ARHGAP8: variants seen among roughly 807,000 people sequenced by gnomAD.
ARHGAP8 encodes Rho GTPase activating protein 8, also known as rho GTPase-activating protein 8.
In ARHGAP8, 62 loss-of-function variants were observed where a neutral mutation model predicts 46.1. The observed-to-expected ratio is 1.34, with a 90% CI of 1.10 to 1.66. The LOEUF is 1.66. Among genes scored for constraint, ARHGAP8 ranks in the 40% most tolerant of loss-of-function variants. ARHGAP8 has a pLI of 0.00. For synonymous variants in ARHGAP8, 375 were observed against 243.1 expected, an observed-to-expected ratio of 1.54 and a Z score of -5.05; for missense variants, 923 against 568.4, an observed-to-expected ratio of 1.62 and a Z score of -6.34.
rs534471730 is a variant in ARHGAP8, at chr22:44,790,568, T to C, written c.79+3962T>C. 7.5e-5 allele frequency among the ~76,000 whole-genome samples: 11 copies of C among 147,346 alleles called. No homozygotes were observed. The South Asian group carries it at 1.5e-3, about 21-fold the overall frequency. On this transcript the variant is annotated intron_variant, in intron 2 of 11. Coordinates refer to ENST00000356099, the MANE Select transcript of ARHGAP8 (RefSeq NM_181335.3). ...GCACATATCTGTAATCCCAGCTACT[T>C]GGGAGGCTGAAACAGGAGAATCGCT... is the stretch of plus-strand genomic sequence containing the variant.
chr22:44,803,935 A>C (rs746993148), intron 3 of ARHGAP8, among the ~76,000 whole-genome samples: 17 of 151,692 alleles, frequency 1.1e-4, no homozygotes, highest in Non-Finnish European at 1.9e-4. Context: ...AGATTGACTC[A>C]TGGGTCCTTA....
chr22:44,845,360 C>G lies in ARHGAP8; in HGVS notation c.670+18C>G. The G allele has an allele frequency of 6.2e-7, 1 of 1,613,912 alleles. No individual in the cohort carries two copies. Among genetic ancestry groups the G allele is most frequent in the Non-Finnish European group, 8.5e-7 (1 of 1,179,954 alleles). ...AGAGAAAGGTGAGACGGGGCCGGCTCCAGCTGGATGACGTGAGGGCTGCTG... is the reference window on the plus strand; with the variant it reads ...AGAGAAAGGTGAGACGGGGCCGGCTGCAGCTGGATGACGTGAGGGCTGCTG... On this transcript the variant is annotated intron_variant, in intron 8 of 11. Coordinates refer to ENST00000356099, the MANE Select transcript of ARHGAP8 (RefSeq NM_181335.3).
chr22:44,786,296 T>TCGGCTGAGGCAGGGCGCGTAGTGGGTGCA (rs1215609660), intron 1 of ARHGAP8, among the ~76,000 whole-genome samples, 161 bp from the exon 2 acceptor site: 3 of 150,552 alleles, frequency 2.0e-5, no homozygotes, highest in African/African-American at 7.3e-5. Flanking sequence ...TAGTGGGTGC[T>TCGGCTGAGGCAGGGCGCGTAGTGGGTGCA]CGGCTGAGGC....
rs1312315529 is a variant in ARHGAP8 at position 44,834,361 on chromosome 22, T to TTATC, written c.596+8770_596+8773dup. ...AATTAATCTTAAAGTATTTTCTAAT[T>TTATC]TATCTTGTAATTTTTTTCTTTGATT... On this transcript the variant is annotated intron_variant, in intron 7 of 11. Transcript: ENST00000356099. Among the ~76,000 whole-genome samples the TTATC allele has an allele frequency of 2.3e-4, 35 of 152,244 alleles. 1 individual carries two copies. Among genetic ancestry groups the TTATC allele is most frequent in the African/African-American group, 8.2e-4 (34 of 41,582 alleles).
At position 44,862,672 on chromosome 22, in the gene ARHGAP8, C is replaced by A. The variant is rs1301248737; in HGVS notation, c.*77C>A. The A allele has an allele frequency of 2.0e-6, 3 of 1,468,072 alleles. No individual in the cohort carries two copies. The highest frequency in any genetic ancestry group is 2.7e-6 in the Non-Finnish European group (3 of 1,106,618). 90.9% of individuals were successfully genotyped at this position (1,468,072 alleles called of 1,614,324 possible). A position where few individuals can be genotyped will look rare whatever the true frequency, so the allele number is the denominator to read the frequency against. On this transcript the variant is annotated 3_prime_UTR_variant, in exon 12 of 12. Coordinates refer to ENST00000356099, the MANE Select transcript of ARHGAP8 (RefSeq NM_181335.3). ...CTTGTATGTTTTGTAAACTTGGCAT[C>A]TGTAAAAATAACCAGCCATTAGATG...
intron 10 of ARHGAP8, among the ~76,000 whole-genome samples, chr22:44,851,949 G>A (rs146414709): frequency 1.9e-3 from 284 of 152,042 alleles, no homozygotes; most frequent in African/African-American, 6.4e-3. Context: ...TCAGCACTTC[G>A]GGAAGCCAAG....
At chr22:44,862,044 C>T (rs910680879) in intron 11 of ARHGAP8, among the ~76,000 whole-genome samples, 8 of 152,186 alleles carry the variant, frequency 5.3e-5, no homozygotes, top group African/African-American at 1.9e-4. Context: ...CACAGAAGGT[C>T]AGAGCCAGAG....
chr22:44,754,640 C>A (rs961040349), intron 1 of ARHGAP8, among the ~76,000 whole-genome samples: 4 of 152,114 alleles, frequency 2.6e-5, no homozygotes, highest in African/African-American at 9.7e-5. Flanking sequence ...GCTGGGATTA[C>A]AGGCATGAGC....
intron 11 of ARHGAP8, 56 bp from the exon 12 acceptor site, chr22:44,862,219 A>T: frequency 6.5e-7 from 1 of 1,532,710 alleles, no homozygotes; most frequent in Middle Eastern, 1.8e-4. Context: ...AGGGAGTTCC[A>T]GGTGCCCGTG....
At chr22:44,860,370 C>G (rs956918078) in intron 11 of ARHGAP8, among the ~76,000 whole-genome samples, 2 of 152,104 alleles carry the variant, frequency 1.3e-5, no homozygotes, top group South Asian at 2.1e-4. Flanking sequence ...GAAGGTTCCC[C>G]TTCCTGGCCT....
At position 44,839,474 on chromosome 22, in the gene ARHGAP8, C is replaced by T. The variant is rs141292353; in HGVS notation, c.597-5795C>T. Among the ~76,000 whole-genome samples, 434 of 152,298 alleles carry T rather than the reference C, an allele frequency of 2.8e-3. 2 individuals carry two copies. Among genetic ancestry groups the T allele is most frequent in the African/African-American group, 9.6e-3 (398 of 41,552 alleles). On this transcript the variant is annotated intron_variant, in intron 7 of 11. Coordinates refer to ENST00000356099, the MANE Select transcript of ARHGAP8 (RefSeq NM_181335.3). Reference sequence around the variant, plus strand: ...TGTAAATCTTGGAATAAAACTAAAGCACACTCGATACCATGTGCACCTGAT... The same window carrying T: ...TGTAAATCTTGGAATAAAACTAAAGTACACTCGATACCATGTGCACCTGAT...
At chr22:44,826,877 G>A (rs983202137) in intron 7 of ARHGAP8, among the ~76,000 whole-genome samples, 1 of 152,176 alleles carries the variant, frequency 6.6e-6, no homozygotes, top group African/African-American at 2.4e-5. Flanking sequence ...AAGTGGATTC[G>A]GCCCTGGGGA....
At chr22:44,758,226 A>G (rs132447) in intron 1 of ARHGAP8, among the ~76,000 whole-genome samples, 137,996 of 152,236 alleles carry the variant, frequency 0.91, 62,661 homozygotes, top group African/African-American at 0.96. Context: ...CGAGGCAGGC[A>G]GATCACAAGG....
intron 3 of ARHGAP8, among the ~76,000 whole-genome samples, chr22:44,803,966 C>G (rs1928760963): frequency 6.6e-6 from 1 of 151,780 alleles, no homozygotes; most frequent in African/African-American, 2.4e-5. Context: ...ACATGACCCC[C>G]AGGCCACCAG....
intron 2 of ARHGAP8, among the ~76,000 whole-genome samples, chr22:44,786,874 G>A (rs947534732): frequency 2.0e-5 from 3 of 151,962 alleles, no homozygotes; most frequent in Non-Finnish European, 2.9e-5. Context: ...AAAATCAGCC[G>A]AGCATGGTGT....
chr22:44,825,938 G>T (rs1291217494), intron 7 of ARHGAP8, among the ~76,000 whole-genome samples: 8 of 128,426 alleles, frequency 6.2e-5, no homozygotes, highest in Admixed American at 1.6e-4. Context: ...TGGTCGGGGG[G>T]GTGCGTGTCA....
Position 44,845,321 on chromosome 22 carries a change from G to C in ARHGAP8, c.649G>C (p.Val217Leu). 1 of 1,614,164 alleles carries C rather than the reference G, an allele frequency of 6.2e-7. No individual in the cohort carries two copies. Among genetic ancestry groups the C allele is most frequent in the Non-Finnish European group, 8.5e-7 (1 of 1,180,026 alleles). ...ELIPPVLRFT[V>L]TYLREKGLRT... ...CATCCCCCCTGTGCTGAGGTTCACA[G>C]TGACGTACCTGAGAGAGAAAGGTGA... The change falls in exon 8 of 12, where the codon GTG becomes CTG. Residue 217 changes from valine to leucine, a missense_variant. Transcript: ENST00000356099.
intron 1 of ARHGAP8, among the ~76,000 whole-genome samples, chr22:44,780,887 C>T (rs139963086): frequency 0.022 from 3,391 of 152,240 alleles, 67 homozygotes; most frequent in South Asian, 0.055. Flanking sequence ...CTATAAGGTG[C>T]TAGGTTCTGT....
At chr22:44,822,029 C>T (rs956803815) in intron 5 of ARHGAP8, among the ~76,000 whole-genome samples, 2 of 152,216 alleles carry the variant, frequency 1.3e-5, no homozygotes, top group African/African-American at 4.8e-5. Context: ...TGGCTTAGTG[C>T]CCCCTGTCTA....
Sources: gnomAD v4.1 joint callset for allele counts (sites outside exome capture counted in the v4.1 genomes callset) on GRCh38, gnomAD v4.1.1 for gene constraint, MANE v1.5 for transcripts, NCBI Gene and HGNC (gene_info 2026-07-23, HGNC 2026-07-21) for gene names.